The following AFG2A variants were observed in gnomAD, a reference collection of about 807,000 sequenced individuals.
AFG2A encodes the protein AAA ATPase AFG2A.
the AFG2A span, among the ~76,000 whole-genome samples, chr4:123,119,528 T>C: frequency 7.9e-5 from 12 of 152,164 alleles, no homozygotes; most frequent in African/African-American, 2.9e-4. Flanking sequence ...TTATATCAAA[T>C]AGAGACAGTG....
At chr4:123,065,301 C>T in the AFG2A span, among the ~76,000 whole-genome samples, 1 of 152,108 alleles carries the variant, frequency 6.6e-6, no homozygotes, top group South Asian at 2.1e-4. Context: ...TGAACATTCT[C>T]CAATAGGCTT....
chr4:122,999,701 G>T, the AFG2A span, among the ~76,000 whole-genome samples: 2 of 152,208 alleles, frequency 1.3e-5, no homozygotes, highest in Admixed American at 1.3e-4. Flanking sequence ...ATGCTGTTTG[G>T]TTACTGTAGC....
At chr4:123,185,154 T>A in the AFG2A span, among the ~76,000 whole-genome samples, 2 of 152,028 alleles carry the variant, frequency 1.3e-5, no homozygotes, top group African/African-American at 4.8e-5. Context: ...AAGTATTAAG[T>A]TCAGGTATCT....
chr4:122,936,079 A>G, the AFG2A span: 1 of 1,577,438 alleles, frequency 6.3e-7, no homozygotes, highest in Non-Finnish European at 8.6e-7. Context: ...ATGGTCTTTA[A>G]ATGTATTTTA....
At chr4:123,280,443 C>A in the AFG2A span, among the ~76,000 whole-genome samples, 1 of 152,144 alleles carries the variant, frequency 6.6e-6, no homozygotes, top group Non-Finnish European at 1.5e-5. Flanking sequence ...CTTAAAACAA[C>A]AAATTTATTA....
chr4:123,248,604 A>G, the AFG2A span, among the ~76,000 whole-genome samples: 2 of 152,198 alleles, frequency 1.3e-5, no homozygotes, highest in African/African-American at 4.8e-5. Flanking sequence ...GCAGACAAGC[A>G]TGTTTCTTCT....
the AFG2A span, among the ~76,000 whole-genome samples, chr4:123,299,625 T>A: frequency 2.0e-5 from 3 of 152,216 alleles, no homozygotes; most frequent in African/African-American, 7.2e-5. Context: ...CAGTTACAAA[T>A]GTCTGCTGGT....
the AFG2A span, among the ~76,000 whole-genome samples, chr4:123,306,772 G>A: frequency 6.6e-6 from 1 of 152,178 alleles, no homozygotes; most frequent in South Asian, 2.1e-4. Context: ...GGCCAGGCTG[G>A]TCAGGTATCC....
the AFG2A span, among the ~76,000 whole-genome samples, chr4:123,101,554 CT>C: frequency 6.6e-6 from 1 of 151,870 alleles, no homozygotes; most frequent in South Asian, 2.1e-4. Flanking sequence ...GAAATATGTA[CT>C]TAATTTTCTG....
the AFG2A span, among the ~76,000 whole-genome samples, chr4:123,123,951 CAAAAAAAAAA>C: frequency 7.5e-4 from 27 of 35,776 alleles, no homozygotes; most frequent in South Asian, 3.4e-3. Context: ...AACTCCGTCT[CAAAAAAAAAA>C]AAAAAAAAAA....
At chr4:123,079,553 G>T in the AFG2A span, among the ~76,000 whole-genome samples, 7 of 151,588 alleles carry the variant, frequency 4.6e-5, no homozygotes, top group Non-Finnish European at 1.5e-5. Flanking sequence ...CTCTAGGTAG[G>T]GCACAAAAAT....
the AFG2A span, among the ~76,000 whole-genome samples, chr4:123,225,153 C>T: frequency 1.3e-5 from 2 of 151,966 alleles, no homozygotes; most frequent in East Asian, 3.9e-4. Flanking sequence ...TTCTCCCATT[C>T]TGTAGGTTGC....
the AFG2A span, among the ~76,000 whole-genome samples, chr4:123,130,285 G>A: frequency 6.6e-6 from 1 of 152,204 alleles, no homozygotes; most frequent in African/African-American, 2.4e-5. Context: ...CCAAAGTACT[G>A]AGATGACAGG....
chr4:123,091,139 G>A, the AFG2A span, among the ~76,000 whole-genome samples: 3 of 152,168 alleles, frequency 2.0e-5, no homozygotes, highest in Non-Finnish European at 4.4e-5. Flanking sequence ...CTGTTTTTAG[G>A]GGAGGACTGG....
the AFG2A span, among the ~76,000 whole-genome samples, chr4:123,146,692 G>A: frequency 6.6e-6 from 1 of 152,156 alleles, no homozygotes; most frequent in Non-Finnish European, 1.5e-5. Flanking sequence ...TTTTTTATCT[G>A]AACATGTTGC....
chr4:123,282,385 GA>G, the AFG2A span, among the ~76,000 whole-genome samples: 1 of 152,084 alleles, frequency 6.6e-6, no homozygotes, highest in Non-Finnish European at 1.5e-5. Context: ...CACTCTAGTG[GA>G]TACAGTATGC....
the AFG2A span, among the ~76,000 whole-genome samples, chr4:123,203,892 G>A: frequency 6.6e-6 from 1 of 152,176 alleles, no homozygotes; most frequent in African/African-American, 2.4e-5. Flanking sequence ...GTCTCATCGG[G>A]CTAAAATCAA....
At chr4:123,181,458 C>G in the AFG2A span, among the ~76,000 whole-genome samples, 1 of 151,960 alleles carries the variant, frequency 6.6e-6, no homozygotes, top group African/African-American at 2.4e-5. Context: ...CAAAAAAATA[C>G]AAAAATTAGT....
chr4:122,929,610 G>A, the AFG2A span, among the ~76,000 whole-genome samples: 1 of 152,064 alleles, frequency 6.6e-6, no homozygotes, highest in Non-Finnish European at 1.5e-5. Context: ...GAGACAGGAG[G>A]ATTGCTTGAG....
Sources: gnomAD v4.1 joint callset for allele counts (sites outside exome capture counted in the v4.1 genomes callset) on GRCh38, gnomAD v4.1.1 for gene constraint, MANE v1.5 for transcripts, NCBI Gene and HGNC (gene_info 2026-07-23, HGNC 2026-07-21) for gene names.